The following CSGALNACT1 variants were observed in gnomAD, a reference collection of about 807,000 sequenced individuals.
CSGALNACT1 encodes the protein chondroitin sulfate N-acetylgalactosaminyltransferase 1.
CSGALNACT1 carries 52 observed loss-of-function variants against 51.0 expected under a neutral mutation model. The observed-to-expected ratio is 1.02, with a 90% CI of 0.82 to 1.29. The LOEUF is 1.29. Ranked by LOEUF, CSGALNACT1 falls within the 50% of genes most tolerant of loss-of-function variation. The probability of loss-of-function intolerance (pLI) is 0.00; values close to 1 mark genes in which losing one functional copy is unlikely to be tolerated. For synonymous variants in CSGALNACT1, 341 were observed against 254.4 expected, an observed-to-expected ratio of 1.34 and a Z score of -3.24; for missense variants, 935 against 679.2, an observed-to-expected ratio of 1.38 and a Z score of -4.19.
intron 4 of CSGALNACT1, among the ~76,000 whole-genome samples, chr8:19,460,287 G>C (rs1442288045): frequency 1.3e-5 from 2 of 151,582 alleles, no homozygotes; most frequent in Non-Finnish European, 3.0e-5. Context: ...AAGAGACCAT[G>C]TTTACATACC....
intron 5 of CSGALNACT1, among the ~76,000 whole-genome samples, chr8:19,451,898 A>G (rs1244060071): frequency 6.6e-6 from 1 of 152,234 alleles, no homozygotes; most frequent in Non-Finnish European, 1.5e-5. Context: ...AAGCTGAGAT[A>G]TATGAAGCAA....
chr8:19,455,715 C>T (rs565929739), intron 5 of CSGALNACT1, among the ~76,000 whole-genome samples: 1 of 152,296 alleles, frequency 6.6e-6, no homozygotes, highest in South Asian at 2.1e-4. Context: ...GTGACATAAA[C>T]TCCCTACTCA....
At position 19,540,677 on chromosome 8, in the gene CSGALNACT1, C is replaced by G. The variant is rs182114381; in HGVS notation, c.-296-34547G>C. Among the ~76,000 whole-genome samples the G allele has an allele frequency of 1.2e-4, 19 of 152,318 alleles. 1 individual carries two copies. Among genetic ancestry groups the G allele is most frequent in the South Asian group, 1.2e-3 (6 of 4,830 alleles). On this transcript the variant is annotated intron_variant, in intron 3 of 9. Coordinates refer to ENST00000454498, the Ensembl canonical transcript of CSGALNACT1. ...ACTCTCAGCCCTTACGTCCTAGATT[C>G]TACGCTTCAGCCACAGTGCTATATG...
intron 1 of CSGALNACT1, among the ~76,000 whole-genome samples, chr8:19,617,504 C>A (rs183875845): frequency 1.3e-5 from 2 of 152,308 alleles, no homozygotes; most frequent in African/African-American, 4.8e-5. Context: ...GCTCTCCAAA[C>A]ATATATTACT....
intron 1 of CSGALNACT1, among the ~76,000 whole-genome samples, chr8:19,666,447 C>G (rs1038916292): frequency 6.6e-6 from 1 of 152,066 alleles, no homozygotes; most frequent in African/African-American, 2.4e-5. Flanking sequence ...GTAATCCCAG[C>G]ACTTTTGGAG....
intron 5 of CSGALNACT1, among the ~76,000 whole-genome samples, chr8:19,446,133 C>A (rs2153784290): frequency 6.6e-6 from 1 of 152,236 alleles, no homozygotes; most frequent in Middle Eastern, 3.4e-3. Flanking sequence ...TGAGATGGTG[C>A]CAGTGCACTC....
At chr8:19,545,363 C>A (rs988856267) in intron 3 of CSGALNACT1, among the ~76,000 whole-genome samples, 2 of 152,142 alleles carry the variant, frequency 1.3e-5, no homozygotes, top group African/African-American at 4.8e-5. Flanking sequence ...TCATAGATAA[C>A]CCTTTCACGA....
chr8:19,473,705 G>T (rs749814104), intron 4 of CSGALNACT1, among the ~76,000 whole-genome samples: 1 of 152,206 alleles, frequency 6.6e-6, no homozygotes, highest in Non-Finnish European at 1.5e-5. Context: ...CATTGGTTTT[G>T]TTGGAATGAC....
At position 19,601,868 on chromosome 8, in the gene CSGALNACT1, A is replaced by G. The variant is rs1278160966; in HGVS notation, c.-510-3T>C. ...CTTTCCTTGAAATAGGAAGGCAGCT[A>G]AAATAAAATAAAAACAAAAGGCAAC... On this transcript the variant is annotated splice_region_variant and splice_polypyrimidine_tract_variant and intron_variant, in intron 1 of 9. Transcript: ENST00000454498. 2.2e-6 allele frequency: 1 copy of G among 454,056 alleles called. No homozygotes were observed. Among genetic ancestry groups the G allele is most frequent in the Admixed American group, 2.3e-5 (1 of 42,574 alleles). 28.1% of individuals were successfully genotyped at this position (454,056 alleles called of 1,614,324 possible).
At chr8:19,755,095 G>A (rs2065271983) in intron 1 of CSGALNACT1, among the ~76,000 whole-genome samples, 1 of 152,198 alleles carries the variant, frequency 6.6e-6, no homozygotes, top group South Asian at 2.1e-4. Flanking sequence ...CAGGCACTGT[G>A]TTAGACATGG....
At chr8:19,474,597 G>A (rs1383425981) in intron 4 of CSGALNACT1, among the ~76,000 whole-genome samples, 1 of 152,068 alleles carries the variant, frequency 6.6e-6, no homozygotes, top group Non-Finnish European at 1.5e-5. Context: ...GCCAGGTGTG[G>A]TGGCTCACAC....
chr8:19,577,125 C>A (rs1255786549), intron 3 of CSGALNACT1, among the ~76,000 whole-genome samples: 6 of 152,256 alleles, frequency 3.9e-5, no homozygotes, highest in Non-Finnish European at 5.9e-5. Context: ...TCTTATGTGT[C>A]GTTCATCAAA....
chr8:19,430,354 T>C (rs903182708), intron 6 of CSGALNACT1, among the ~76,000 whole-genome samples: 5 of 152,186 alleles, frequency 3.3e-5, no homozygotes, highest in African/African-American at 1.2e-4. Context: ...CGTTGATCCA[T>C]TTTGACTTCA....
upstream of CSGALNACT1, among the ~76,000 whole-genome samples, chr8:19,605,414 G>T (rs749785576): frequency 1.3e-5 from 2 of 152,256 alleles, no homozygotes; most frequent in Admixed American, 1.3e-4. Flanking sequence ...CCAGCCTGGG[G>T]GAGAGAGTGA....
rs1447988664 is a variant in CSGALNACT1 at position 19,550,123 on chromosome 8, C to A, written c.-297+41037G>T. Among the ~76,000 whole-genome samples, 3 of 151,850 alleles carry A rather than the reference C, an allele frequency of 2.0e-5. No individual in the cohort carries two copies. In the East Asian group the frequency reaches 5.8e-4, roughly 29 times the overall value. On this transcript the variant is annotated intron_variant, in intron 3 of 9. Transcript: ENST00000454498. ...TGTGTAGTTGTCTCTTCTGCATTTT[C>A]TTCATTCTCTTTCTGAAACTTTGCT...
In CSGALNACT1 at chr8:19,695,940, G is replaced by C. The variant is rs1425857982; in HGVS notation, c.-297+61910C>G. 6.6e-5 allele frequency among the ~76,000 whole-genome samples: 10 copies of C among 152,212 alleles called. No homozygotes were observed. The East Asian group carries it at 1.7e-3, about 26-fold the overall frequency. ...CCATTAGCGCTCATGAAAAACGATG[G>C]TATTGTTAAGGTTTATTTATAGTTC... On this transcript the variant is annotated intron_variant, in intron 1 of 1. Coordinates refer to the CSGALNACT1 transcript ENST00000517494.
At chr8:19,494,877 G>C (rs1393897813) in intron 4 of CSGALNACT1, among the ~76,000 whole-genome samples, 1 of 118,382 alleles carries the variant, frequency 8.4e-6, no homozygotes, top group East Asian at 3.0e-4. Context: ...AGTAAAAACA[G>C]AAAATGGGCG....
intron 6 of CSGALNACT1, among the ~76,000 whole-genome samples, chr8:19,422,555 T>G (rs1355519528): frequency 6.6e-6 from 1 of 152,242 alleles, no homozygotes; most frequent in South Asian, 2.1e-4. Flanking sequence ...CTCTTCCTCT[T>G]TCAGAACTTT....
intron 1 of CSGALNACT1, among the ~76,000 whole-genome samples, chr8:19,652,707 T>A (rs919588850): frequency 3.3e-5 from 5 of 152,238 alleles, no homozygotes; most frequent in Non-Finnish European, 5.9e-5. Context: ...CACCTCCTGC[T>A]GTTCCACTTA....
Sources: gnomAD v4.1 joint callset for allele counts (sites outside exome capture counted in the v4.1 genomes callset) on GRCh38, gnomAD v4.1.1 for gene constraint, MANE v1.5 for transcripts, NCBI Gene and HGNC (gene_info 2026-07-23, HGNC 2026-07-21) for gene names.